ABCA5: variants seen among roughly 807,000 people sequenced by gnomAD.
The protein encoded by ABCA5 is ATP binding cassette subfamily A member 5.
Under a neutral mutation model 206.0 loss-of-function variants are expected in ABCA5, and 163 were observed. The observed-to-expected ratio is 0.79, with a 90% CI of 0.70 to 0.90. The LOEUF (loss-of-function observed/expected upper bound fraction) is 0.90, where lower values mean the gene tolerates loss of function less well. Among genes scored for constraint, ABCA5 ranks in the 40% least tolerant of loss-of-function variants. ABCA5 has a pLI of 0.00. For missense variants in ABCA5, 1,859 were observed against 1,912.9 expected (o/e 0.97, Z 0.53); for synonymous variants, 609 against 613.8 (o/e 0.99, Z 0.11).
rs1418743004 is a variant in ABCA5 at position 69,281,221 on chromosome 17, G to A, written c.2392+2732C>T. On this transcript the variant is annotated intron_variant, in intron 18 of 38. Coordinates refer to ENST00000392676, the MANE Select transcript of ABCA5 (RefSeq NM_172232.4). The stretch of plus-strand genomic sequence containing the variant: ...TGCAAATATTAAAGAGAATGTACTA[G>A]TGAGATAACTTTAGGAAGAACATTA... Among the ~76,000 whole-genome samples the A allele has an allele frequency of 2.0e-5, 3 of 151,668 alleles. No homozygotes were observed. In the East Asian group the frequency reaches 5.8e-4, roughly 29 times the overall value.
intron 6 of ABCA5, among the ~76,000 whole-genome samples, chr17:69,305,473 C>G (rs933007125): frequency 6.6e-6 from 1 of 152,184 alleles, no homozygotes; most frequent in East Asian, 1.9e-4. Context: ...TTGAATCCAT[C>G]ATTTTACTGA....
intron 18 of ABCA5, among the ~76,000 whole-genome samples, 155 bp from the exon 19 acceptor site, chr17:69,277,997 A>G (rs1260094540): frequency 6.6e-6 from 1 of 152,142 alleles, no homozygotes; most frequent in East Asian, 1.9e-4. Flanking sequence ...AGCTGAACAT[A>G]TGTATATCTT....
chr17:69,286,565 G>C (rs2075456199), intron 15 of ABCA5, among the ~76,000 whole-genome samples: 1 of 152,120 alleles, frequency 6.6e-6, no homozygotes, highest in South Asian at 2.1e-4. Context: ...TCTACTCAAG[G>C]AGTCTGACTC....
At chr17:69,324,984 A>C (rs1428688599) in intron 1 of ABCA5, among the ~76,000 whole-genome samples, 1 of 152,154 alleles carries the variant, frequency 6.6e-6, no homozygotes, top group Non-Finnish European at 1.5e-5. Context: ...AAATGCTCTC[A>C]TCTTCTTTAT....
intron 24 of ABCA5, among the ~76,000 whole-genome samples, chr17:69,263,660 T>C (rs1302893502): frequency 6.6e-6 from 1 of 151,384 alleles, no homozygotes; most frequent in African/African-American, 2.4e-5. Flanking sequence ...AGTCAGGTAA[T>C]GAAATGCCTC....
intron 34 of ABCA5, among the ~76,000 whole-genome samples, chr17:69,252,829 T>A (rs1348071289): frequency 7.9e-6 from 1 of 126,460 alleles, no homozygotes; most frequent in African/African-American, 3.0e-5. Context: ...AGAACAAGAC[T>A]CTGACTCAAA....
intron 18 of ABCA5, among the ~76,000 whole-genome samples, chr17:69,278,060 G>T (rs1359732963): frequency 6.6e-6 from 1 of 151,862 alleles, no homozygotes; most frequent in Non-Finnish European, 1.5e-5. Flanking sequence ...ATGAATACAG[G>T]TTTCACCAAA....
chr17:69,260,758 T>G (rs1490861829), intron 26 of ABCA5, among the ~76,000 whole-genome samples: 1 of 151,938 alleles, frequency 6.6e-6, no homozygotes, highest in Non-Finnish European at 1.5e-5. Flanking sequence ...AATCTGGTTT[T>G]TGTCTCTATT....
At chr17:69,304,193 A>C (rs1320344268) in intron 7 of ABCA5, 2 of 152,212 alleles carry the variant, frequency 1.3e-5, no homozygotes, top group Non-Finnish European at 2.9e-5. Flanking sequence ...ATCAGAATGG[A>C]AGATGGAACC....
chr17:69,319,090 A>C (rs964340950), intron 1 of ABCA5: 1 of 272,736 alleles, frequency 3.7e-6, no homozygotes, highest in South Asian at 5.6e-5. Flanking sequence ...GTAATGGTCA[A>C]TAAATAAATT....
chr17:69,279,777 T>C (rs899059971), intron 18 of ABCA5, among the ~76,000 whole-genome samples: 5 of 152,172 alleles, frequency 3.3e-5, no homozygotes, highest in Non-Finnish European at 7.3e-5. Flanking sequence ...AAACGAGCAA[T>C]GGGGAAAGGA....
Position 69,291,216 on chromosome 17 carries a change from C to T in ABCA5, c.1606G>A (p.Gly536Arg). 3.8e-6 allele frequency: 6 copies of T among 1,563,402 alleles called. No individual in the cohort carries two copies. Among genetic ancestry groups the T allele is most frequent in the Non-Finnish European group, 5.2e-6 (6 of 1,153,158 alleles). ...ILCGLCPPSD[G>R]FASIYGHRVS... ...TTTTTCTTTAAGACAGAAAACTCAC[C>T]ATCAGAAGGTGGGCAGAGTCCACAA... Residue 536 changes from glycine to arginine, a missense_variant and splice_region_variant, in exon 12 of 39, where the codon GGG becomes AGG. Coordinates refer to ENST00000392676, the MANE Select transcript of ABCA5 (RefSeq NM_172232.4).
At chr17:69,295,546 T>C (rs575251177) in intron 10 of ABCA5, among the ~76,000 whole-genome samples, 6 of 152,288 alleles carry the variant, frequency 3.9e-5, no homozygotes, top group African/African-American at 9.6e-5. Flanking sequence ...TACAAAATTA[T>C]TGCAGTGGTA....
chr17:69,304,713 T>G lies in ABCA5; in HGVS notation c.886A>C (p.Ser296Arg). 2 of 1,608,852 alleles carry G rather than the reference T, an allele frequency of 1.2e-6. No individual in the cohort carries two copies. The highest frequency in any genetic ancestry group is 1.7e-6 in the Non-Finnish European group (2 of 1,177,600). The change falls in exon 7 of 39, where the codon AGC becomes CGC. Residue 296 changes from serine (S) to arginine (R), a missense_variant. Coordinates refer to ENST00000392676, the MANE Select transcript of ABCA5 (RefSeq NM_172232.4). ...AAAAAAAGCAGAAATATCACAATGCTGCTACTTTGAGGAAATAACAAAGAA... is the reference window on the plus strand; with the variant it reads ...AAAAAAAGCAGAAATATCACAATGCGGCTACTTTGAGGAAATAACAAAGAA... ...TASLLFPQSS[S>R]IVIFLLFFLY...
At chr17:69,291,355 G>A (rs2075524430) in intron 11 of ABCA5, 29 bp from the exon 12 acceptor site, 1 of 1,418,302 alleles carries the variant, frequency 7.1e-7, no homozygotes, top group Admixed American at 1.7e-5. Flanking sequence ...AGACTCAAAT[G>A]TAATTTTTAT....
chr17:69,322,297 G>A (rs1402354078), intron 1 of ABCA5, among the ~76,000 whole-genome samples: 1 of 146,812 alleles, frequency 6.8e-6, no homozygotes, highest in Non-Finnish European at 1.5e-5. Flanking sequence ...TCGAACCCGG[G>A]AGGTGAAAGT....
Position 69,257,842 on chromosome 17 carries a change from T to C in ABCA5, c.3732-1559A>G, listed in dbSNP as rs1157919421. Among the ~76,000 whole-genome samples, 11 of 151,966 alleles carry C rather than the reference T, an allele frequency of 7.2e-5. No homozygotes were observed. In the South Asian group the frequency reaches 1.0e-3, roughly 14 times the overall value. ...AAAATTGAGCAATATTCCAAGTATA[T>C]AGAATAAATGAAGATTTGGGTAATA... On this transcript the variant is annotated intron_variant, in intron 28 of 38. Transcript: ENST00000392676.
At chr17:69,288,730 G>T (rs2075490779) in intron 14 of ABCA5, among the ~76,000 whole-genome samples, 1 of 148,278 alleles carries the variant, frequency 6.7e-6, no homozygotes, top group African/African-American at 2.5e-5. Context: ...AAGAAAGAAA[G>T]AAAGAAAGAA....
chr17:69,286,032 T>C lies in ABCA5; in HGVS notation c.2138A>G (p.Tyr713Cys), dbSNP rs2075447869. 1 of 1,609,382 alleles carries C rather than the reference T, an allele frequency of 6.2e-7. No homozygotes were observed. Among genetic ancestry groups the C allele is most frequent in the South Asian group, 1.1e-5 (1 of 90,158 alleles). The change falls in exon 17 of 39, where the codon TAC (tyrosine) becomes TGC (cysteine). Residue 713 changes from tyrosine (Y) to cysteine (C), a missense_variant. Physicochemically the swap from Tyr to Cys is radical, Grantham distance 194. Coordinates refer to ENST00000392676, the MANE Select transcript of ABCA5 (RefSeq NM_172232.4). ...KWGIGYRLSM[Y>C]IDKYCATESL... ...TTCTGTGGCACAATATTTGTCTATG[T>C]ACATGCTAGAGAATACCAAAAATCA...
Sources: gnomAD v4.1 joint callset for allele counts (sites outside exome capture counted in the v4.1 genomes callset) on GRCh38, gnomAD v4.1.1 for gene constraint, MANE v1.5 for transcripts, NCBI Gene and HGNC (gene_info 2026-07-23, HGNC 2026-07-21) for gene names.